Variants in PPP2R5E observed in about 807,000 individuals in gnomAD.
PPP2R5E encodes protein phosphatase 2 regulatory subunit B'epsilon.
Under a neutral mutation model 65.3 loss-of-function variants are expected in PPP2R5E, and 4 were observed. The ratio of observed to expected loss-of-function variants is 0.06; its 90% CI spans 0.03 to 0.14. PPP2R5E has a LOEUF of 0.14. Among genes scored for constraint, PPP2R5E ranks in the 10% least tolerant of loss-of-function variants. PPP2R5E has a pLI of 1.00. For synonymous variants in PPP2R5E, 183 were observed against 187.4 expected, an observed-to-expected ratio of 0.98 and a Z score of 0.19; for missense variants, 274 against 556.1, an observed-to-expected ratio of 0.49 and a Z score of 5.10.
intron 13 of PPP2R5E, among the ~76,000 whole-genome samples, chr14:63,377,132 G>C (rs1884033658): frequency 6.6e-6 from 1 of 150,542 alleles, no homozygotes. Flanking sequence ...CTGGGGGACA[G>C]AGCAAGACTC....
chr14:63,444,308 A>G lies in PPP2R5E; in HGVS notation c.354+9381T>C, dbSNP rs1020239135. Among the ~76,000 whole-genome samples the G allele has an allele frequency of 5.3e-5, 8 of 152,208 alleles. 1 individual carries two copies. Among genetic ancestry groups the G allele is most frequent in the African/African-American group, 1.9e-4 (8 of 41,454 alleles). On this transcript the variant is annotated intron_variant, in intron 3 of 13. Coordinates refer to ENST00000337537, the MANE Select transcript of PPP2R5E (RefSeq NM_006246.5). Reference sequence around the variant, plus strand: ...TTAATACCCTACTGAGGCTATAATCATTCTGTCAAGCCTTCCTTAACCACC... The same window carrying G: ...TTAATACCCTACTGAGGCTATAATCGTTCTGTCAAGCCTTCCTTAACCACC...
intron 2 of PPP2R5E, among the ~76,000 whole-genome samples, chr14:63,488,807 C>T (rs1891137685): frequency 6.6e-6 from 1 of 151,790 alleles, no homozygotes; most frequent in Non-Finnish European, 1.5e-5. Context: ...CAAGATCGCA[C>T]CACTGTACTC....
intron 2 of PPP2R5E, chr14:63,508,330 A>G: frequency 2.0e-6 from 1 of 507,216 alleles, no homozygotes; most frequent in Non-Finnish European, 2.5e-6. Flanking sequence ...CACTCTCACA[A>G]AACAACTGCA....
At chr14:63,428,932 ATAT>A (rs1435731381) in intron 3 of PPP2R5E, among the ~76,000 whole-genome samples, 1 of 152,224 alleles carries the variant, frequency 6.6e-6, no homozygotes, top group Non-Finnish European at 1.5e-5. Context: ...GTTAAGGAAA[ATAT>A]TATAATAGAA....
chr14:63,523,451 A>G (rs920057769), intron 2 of PPP2R5E, among the ~76,000 whole-genome samples: 3 of 151,636 alleles, frequency 2.0e-5, no homozygotes, highest in Non-Finnish European at 4.4e-5. Context: ...TGTCCACTCA[A>G]GGTTAAATGG....
intron 2 of PPP2R5E, among the ~76,000 whole-genome samples, chr14:63,493,297 C>T (rs780582373): frequency 4.6e-5 from 7 of 151,854 alleles, no homozygotes; most frequent in African/African-American, 7.3e-5. Context: ...GCACTTGCCA[C>T]CAAGCCAAGC....
chr14:63,501,976 C>A (rs1891914547), intron 2 of PPP2R5E, among the ~76,000 whole-genome samples: 1 of 152,118 alleles, frequency 6.6e-6, no homozygotes, highest in Non-Finnish European at 1.5e-5. Context: ...CTCACTGCAG[C>A]CTCCACCTCC....
At chr14:63,376,952 G>C (rs1247012851) in intron 13 of PPP2R5E, among the ~76,000 whole-genome samples, 2 of 152,164 alleles carry the variant, frequency 1.3e-5, no homozygotes, top group South Asian at 2.1e-4. Flanking sequence ...TGGATCATCA[G>C]TGAGACCCCG....
At chr14:63,516,562 C>A (rs1215518947) in intron 2 of PPP2R5E, among the ~76,000 whole-genome samples, 1 of 152,202 alleles carries the variant, frequency 6.6e-6, no homozygotes, top group Non-Finnish European at 1.5e-5. Flanking sequence ...TTTAGATGCT[C>A]CCACTGAATG....
At chr14:63,441,278 C>A (rs1401434661) in intron 3 of PPP2R5E, among the ~76,000 whole-genome samples, 1 of 152,150 alleles carries the variant, frequency 6.6e-6, no homozygotes, top group Non-Finnish European at 1.5e-5. Flanking sequence ...AATCGTGTAA[C>A]TTTACAACAA....
At chr14:63,479,299 G>A (rs1890574116) in intron 2 of PPP2R5E, 1 of 152,160 alleles carries the variant, frequency 6.6e-6, no homozygotes, top group African/African-American at 2.4e-5. Flanking sequence ...GCTGTGGGTG[G>A]GGGAGGAGGG....
chr14:63,540,541 C>T (rs1248818534), intron 1 of PPP2R5E, among the ~76,000 whole-genome samples: 3 of 150,288 alleles, frequency 2.0e-5, no homozygotes, highest in Non-Finnish European at 4.4e-5. Context: ...ATGGAGAAAC[C>T]CCATCTCTAA....
chr14:63,443,583 T>TA (rs1338138171), intron 3 of PPP2R5E, among the ~76,000 whole-genome samples: 3 of 152,140 alleles, frequency 2.0e-5, no homozygotes, highest in African/African-American at 7.2e-5. Context: ...GATTCACTGG[T>TA]ATCATCTAGA....
chr14:63,384,533 G>A lies in PPP2R5E; in HGVS notation c.1113C>T (p.Tyr371=), dbSNP rs749230837. ...AGTTTTCTTCTATCAAACTCATGAT[G>A]TATTCATTATTCCAATAATAGAGTG... The part of the protein sequence containing the change: ...ERALYYWNNE[Y]IMSLIEENSN... The change falls in exon 12 of 14, where the codon TAC becomes TAT. Residue 371 remains tyrosine (Y), a synonymous_variant. Coordinates refer to ENST00000337537, the MANE Select transcript of PPP2R5E (RefSeq NM_006246.5). The A allele has an allele frequency of 1.1e-5, 17 of 1,613,490 alleles. No individual in the cohort carries two copies. The East Asian group carries it at 3.8e-4, about 36-fold the overall frequency.
At chr14:63,437,690 T>G (rs1472930396) in intron 3 of PPP2R5E, among the ~76,000 whole-genome samples, 2 of 152,160 alleles carry the variant, frequency 1.3e-5, no homozygotes, top group African/African-American at 4.8e-5. Context: ...AATTCCACAG[T>G]ATTTCAAAGT....
Position 63,443,496 on chromosome 14 carries a change from C to T in PPP2R5E, c.354+10193G>A, listed in dbSNP as rs1888338169. 4.6e-5 allele frequency among the ~76,000 whole-genome samples: 7 copies of T among 152,062 alleles called. 1 individual carries two copies. The South Asian group carries it at 1.5e-3, about 32-fold the overall frequency. On this transcript the variant is annotated intron_variant, in intron 3 of 13. Transcript: ENST00000337537. ...CAAGGTGCGAGCAATTATCTACAGC[C>T]GTCATCTCAACCTCTTGATTTTTTA... is the stretch of plus-strand genomic sequence containing the variant.
chr14:63,499,272 A>T (rs191405955), intron 2 of PPP2R5E, among the ~76,000 whole-genome samples: 124 of 152,354 alleles, frequency 8.1e-4, no homozygotes, highest in Non-Finnish European at 1.3e-3. Context: ...AGAGAAAAAT[A>T]TATATGACAG....
intron 2 of PPP2R5E, among the ~76,000 whole-genome samples, chr14:63,468,394 T>C (rs1349890922): frequency 2.6e-5 from 4 of 152,204 alleles, no homozygotes; most frequent in East Asian, 1.9e-4. Flanking sequence ...CCCAGTGAAA[T>C]AACTTCAAAA....
intron 2 of PPP2R5E, among the ~76,000 whole-genome samples, chr14:63,526,377 T>C (rs1893184349): frequency 6.6e-6 from 1 of 152,192 alleles, no homozygotes; most frequent in African/African-American, 2.4e-5. Context: ...ATCTCTATGT[T>C]TGTATATGTT....
Sources: allele counts gnomAD v4.1 joint callset (sites outside exome capture counted in the v4.1 genomes callset), GRCh38; gene constraint gnomAD v4.1.1; transcripts MANE v1.5; gene names NCBI Gene and HGNC (gene_info 2026-07-23, HGNC 2026-07-21).